ACBD6: variants seen among roughly 807,000 people sequenced by gnomAD.
ACBD6 encodes acyl-CoA binding domain containing 6.
In ACBD6, 28 loss-of-function variants were observed where a neutral mutation model predicts 37.2. The observed-to-expected ratio is 0.75, with a 90% confidence interval of 0.56 to 1.03. ACBD6 has a LOEUF of 1.03. ACBD6 is among the 50% of genes least tolerant of loss of function. ACBD6 has a pLI of 0.00. For missense variants in ACBD6, 340 were observed against 337.4 expected, an observed-to-expected ratio of 1.01 and a Z score of -0.06; for synonymous variants, 113 against 126.8, an observed-to-expected ratio of 0.89 and a Z score of 0.73.
chr1:180,439,916 T>C (rs1442287990), intron 3 of ACBD6, among the ~76,000 whole-genome samples: 3 of 152,188 alleles, frequency 2.0e-5, no homozygotes, highest in Non-Finnish European at 4.4e-5. Context: ...TTTAAAGAGA[T>C]TTTAAAATTT....
At chr1:180,277,772 A>G (rs1649122135) in intron 9 of ACBD6, 1 of 152,100 alleles carries the variant, frequency 6.6e-6, no homozygotes, top group South Asian at 2.1e-4. Context: ...AAGATCAACT[A>G]TCATTGATAA....
exon 14 of ACBD6, chr1:180,271,902 G>T (rs748217238): frequency 6.2e-7 from 1 of 1,613,630 alleles, no homozygotes; most frequent in South Asian, 1.1e-5. Context: ...CACCGCTGGG[G>T]GCAGTTCTAT....
intron 3 of ACBD6, among the ~76,000 whole-genome samples, chr1:180,436,900 T>C (rs937348755): frequency 3.3e-4 from 50 of 152,226 alleles, no homozygotes; most frequent in Non-Finnish European, 1.5e-5. Flanking sequence ...AACTGAAAGC[T>C]TTCCTTCTAA....
intron 5 of ACBD6, among the ~76,000 whole-genome samples, chr1:180,408,652 AAAACTT>A (rs1481504732): frequency 6.6e-6 from 1 of 152,148 alleles, no homozygotes; most frequent in East Asian, 1.9e-4. Context: ...CATGTACCCT[AAAACTT>A]AAAGTATAAT....
chr1:180,360,016 A>C (rs1354392552), intron 6 of ACBD6, among the ~76,000 whole-genome samples: 1 of 152,232 alleles, frequency 6.6e-6, no homozygotes, highest in Non-Finnish European at 1.5e-5. Context: ...TTTATTGAAT[A>C]ACAAGGTACT....
intron 3 of ACBD6, among the ~76,000 whole-genome samples, chr1:180,486,071 A>G (rs1488904900): frequency 6.6e-6 from 1 of 152,176 alleles, no homozygotes; most frequent in Non-Finnish European, 1.5e-5. Flanking sequence ...GTCCCTACAC[A>G]TTCTTGTTCA....
Position 180,413,465 on chromosome 1 carries a change from T to G in ACBD6, c.474A>C (p.Glu158Asp). 6.2e-7 allele frequency: 1 copy of G among 1,609,462 alleles called. No individual in the cohort carries two copies. The highest frequency in any genetic ancestry group is 8.5e-7 in the Non-Finnish European group (1 of 1,177,230). ...TGCAGTAATCAAATATATTTTTGTC[T>G]TCTTCCCTAGAATAAAAAAAAGAAA... ...SLYHEETIRE[E>D]DKNIFDYCRE... is the part of the protein sequence containing the mutation. The change falls in exon 5 of 8, where the codon GAA becomes GAC. Residue 158 changes from glutamate to aspartate, a missense_variant. Transcript: ENST00000367595.
At chr1:180,339,827 T>G (rs1276535469) in intron 6 of ACBD6, among the ~76,000 whole-genome samples, 1 of 150,824 alleles carries the variant, frequency 6.6e-6, no homozygotes, top group Non-Finnish European at 1.5e-5. Flanking sequence ...TACTAGATGA[T>G]GGTACGTGCT....
At chr1:180,373,197 TTTGA>T (rs1244987240) in intron 6 of ACBD6, among the ~76,000 whole-genome samples, 2 of 152,214 alleles carry the variant, frequency 1.3e-5, no homozygotes, top group Non-Finnish European at 2.9e-5. Flanking sequence ...TTTCTCTGAC[TTTGA>T]TTACCTCATT....
intron 6 of ACBD6, among the ~76,000 whole-genome samples, chr1:180,326,868 G>C (rs1651275591): frequency 6.6e-6 from 1 of 152,118 alleles, no homozygotes; most frequent in Non-Finnish European, 1.5e-5. Context: ...CCGTGGAATG[G>C]GGGCTTCAAG....
At chr1:180,416,633 T>G (rs1210812415) in intron 4 of ACBD6, among the ~76,000 whole-genome samples, 2 of 152,176 alleles carry the variant, frequency 1.3e-5, no homozygotes, top group African/African-American at 4.8e-5. Flanking sequence ...CTACAACTTT[T>G]CTGAAATTGA....
At chr1:180,483,832 A>T (rs550923143) in intron 3 of ACBD6, among the ~76,000 whole-genome samples, 1 of 152,310 alleles carries the variant, frequency 6.6e-6, no homozygotes, top group African/African-American at 2.4e-5. Flanking sequence ...TGCTATTAGT[A>T]CTTGAAAGCT....
chr1:180,288,060 A>G (rs997695512), downstream of ACBD6, among the ~76,000 whole-genome samples: 18 of 152,322 alleles, frequency 1.2e-4, no homozygotes, highest in Non-Finnish European at 2.6e-4. Context: ...GCCATGTTTA[A>G]TATTGTGAAA....
intron 1 of ACBD6, among the ~76,000 whole-genome samples, chr1:180,498,028 G>C (rs933274433): frequency 1.3e-5 from 2 of 152,110 alleles, no homozygotes; most frequent in Admixed American, 6.6e-5. Flanking sequence ...ACTTTGAAAG[G>C]CATCTTTTAC....
intron 3 of ACBD6, among the ~76,000 whole-genome samples, chr1:180,445,979 A>T (rs907731085): frequency 1.2e-4 from 18 of 151,918 alleles, no homozygotes; most frequent in Non-Finnish European, 1.9e-4. Context: ...AATATTCTAA[A>T]TTAAAATTTT....
chr1:180,274,405 G>C lies in ACBD6; in HGVS notation c.*936+246C>G, dbSNP rs532838415. ...CTTTGCTCAATGGGCTGGATTACAC[G>C]GTGGACAGTAATTTGGGCATCATTG... On this transcript the variant is annotated intron_variant, in intron 10 of 13. Transcript: ENST00000642319. 8.4e-5 allele frequency: 135 copies of C among 1,614,172 alleles called. No individual in the cohort carries two copies. The South Asian group carries it at 1.4e-3, about 17-fold the overall frequency.
chr1:180,496,112 G>A (rs1348411582), intron 1 of ACBD6, among the ~76,000 whole-genome samples: 2 of 152,042 alleles, frequency 1.3e-5, no homozygotes, highest in East Asian at 1.9e-4. Context: ...TTCTACAATA[G>A]TCTTATCATC....
intron 1 of ACBD6, among the ~76,000 whole-genome samples, chr1:180,501,600 G>A (rs1014550111): frequency 2.6e-5 from 4 of 152,140 alleles, no homozygotes; most frequent in Non-Finnish European, 5.9e-5. Context: ...TTACAGCCGT[G>A]AGCAACCACG....
chr1:180,306,982 G>A (rs1056625995), intron 7 of ACBD6, among the ~76,000 whole-genome samples: 1 of 152,148 alleles, frequency 6.6e-6, no homozygotes, highest in African/African-American at 2.4e-5. Context: ...GCTACTATAC[G>A]ATCCAGCAGT....
Sources: gnomAD v4.1 joint callset for allele counts (sites outside exome capture counted in the v4.1 genomes callset) on GRCh38, gnomAD v4.1.1 for gene constraint, MANE v1.5 for transcripts, NCBI Gene and HGNC (gene_info 2026-07-23, HGNC 2026-07-21) for gene names.